OBSL1: variants seen among roughly 807,000 people sequenced by gnomAD.
OBSL1 encodes the protein obscurin-like protein 1.
A neutral mutation model predicts 172.0 loss-of-function variants in OBSL1; 160 were observed. The observed-to-expected ratio is 0.93, with a 90% CI of 0.82 to 1.06. The LOEUF (loss-of-function observed/expected upper bound fraction) is 1.06. Ranked by LOEUF, OBSL1 falls within the 50% of genes least tolerant of loss-of-function variation. OBSL1 has a pLI of 0.00. For synonymous variants in OBSL1, 1,200 were observed against 1,196.3 expected, an observed-to-expected ratio of 1.00 and a Z score of -0.06; for missense variants, 2,681 against 2,715.4, an observed-to-expected ratio of 0.99 and a Z score of 0.28.
At chr2:219,564,035 G>C (rs1391156145) in intron 6 of OBSL1, among the ~76,000 whole-genome samples, 1 of 152,216 alleles carries the variant, frequency 6.6e-6, no homozygotes, top group Non-Finnish European at 1.5e-5. Flanking sequence ...CCAACAAGTG[G>C]CAACAGTGAG....
intron 6 of OBSL1, among the ~76,000 whole-genome samples, chr2:219,564,642 G>A (rs1696744987): frequency 1.3e-5 from 2 of 152,246 alleles, no homozygotes; most frequent in Non-Finnish European, 2.9e-5. Context: ...TGTATCAGGG[G>A]TTTAGGAGGC....
At chr2:219,547,888 G>A (rs1350549838), downstream of OBSL1, 1 of 1,596,260 alleles carries the variant, frequency 6.3e-7, no homozygotes, top group Non-Finnish European at 8.5e-7. Context: ...GTGCTGCGCT[G>A]ATCGCCACTG....
chr2:219,568,290 G>A lies in OBSL1; in HGVS notation c.1047C>T (p.Asp349=), dbSNP rs778881570. The change falls in exon 2 of 21, where the codon GAC becomes GAT. Residue 349 remains aspartate, a synonymous_variant. Transcript: ENST00000404537. This position sits in a 1 kb window ranked among gnomAD's most constrained non-coding sequence, Gnocchi z 4.1. The part of the protein sequence containing the change: ...PRLRFTRPLQ[D]VEGREHGIAV... ...CAATCCCGTGCTCACGGCCCTCCAC[G>A]TCCTGCAGGGGCCGTGTGAACCGGA... The A allele has an allele frequency of 1.2e-5, 20 of 1,608,068 alleles. No individual in the cohort carries two copies. The highest frequency in any genetic ancestry group is 1.0e-4 in the South Asian group (9 of 90,304).
rs1346286364 is a variant in OBSL1 at position 219,567,826 on chromosome 2, A to G, written c.1426T>C (p.Ser476Pro). 6.2e-7 allele frequency: 1 copy of G among 1,613,778 alleles called. No individual in the cohort carries two copies. The highest frequency in any genetic ancestry group is 1.3e-5 in the African/African-American group (1 of 74,934). The change falls in exon 3 of 21, where the codon TCA becomes CCA. Residue 476 changes from serine (S) to proline (P), a missense_variant. Transcript: ENST00000404537. ...AGGACCAGGGCATGCATGTGGCCTG[A>G]GCTGCTCTGGCAGATGACCGGCAGC... The part of the protein sequence containing the change: ...EELPVICQSS[S>P]GHMHALVLPG...
intron 8 of OBSL1, 87 bp from the exon 9 acceptor site, chr2:219,559,584 A>C: frequency 8.4e-7 from 1 of 1,188,770 alleles, no homozygotes; most frequent in Non-Finnish European, 1.2e-6. Flanking sequence ...CCTATCACCC[A>C]CATAATAATG....
At chr2:219,549,849 G>C, downstream of OBSL1, 1 of 1,613,924 alleles carries the variant, frequency 6.2e-7, no homozygotes, top group Non-Finnish European at 8.5e-7. Context: ...CCCAGTGCGG[G>C]TATAGCCATA....
chr2:219,554,062 C>T (rs551301349), intron 15 of OBSL1, among the ~76,000 whole-genome samples: 22 of 152,092 alleles, frequency 1.4e-4, no homozygotes, highest in Admixed American at 3.9e-4. Flanking sequence ...TGATGTCGCC[C>T]GTAGGCAGTC....
At chr2:219,550,618 C>G, downstream of OBSL1, 1 of 589,062 alleles carries the variant, frequency 1.7e-6, no homozygotes, top group Non-Finnish European at 2.9e-6. Context: ...GTGGCTGGCA[C>G]TTTCATGGGC....
chr2:219,547,512 G>A (rs1159301317), downstream of OBSL1: 4 of 1,422,278 alleles, frequency 2.8e-6, no homozygotes, highest in African/African-American at 1.5e-5. Context: ...CCAGGTTACC[G>A]CTGCTTCAAG....
downstream of OBSL1, chr2:219,549,987 G>C (rs1003646330): frequency 6.2e-5 from 77 of 1,238,074 alleles, no homozygotes; most frequent in Non-Finnish European, 7.8e-5. Flanking sequence ...GTCACTAGAA[G>C]GGAGGATTGT....
In OBSL1 at chr2:219,553,666, G is replaced by T. The variant is rs191093745; in HGVS notation, c.4897C>A (p.Arg1633=). The change falls in exon 16 of 21, where the codon CGG becomes AGG. Residue 1633 remains arginine (R), a synonymous_variant. Transcript: ENST00000404537. ...IVREVPVTIV[R]GPHDLEVTEG... is the part of the protein sequence containing the mutation. ...GTCACCTCTAGGTCGTGTGGCCCCC[G>T]CACGATGGTCACTGGGACCTCTGGG... 6.2e-7 allele frequency: 1 copy of T among 1,613,272 alleles called. No individual in the cohort carries two copies. Among genetic ancestry groups the T allele is most frequent in the Non-Finnish European group, 8.5e-7 (1 of 1,179,484 alleles).
chr2:219,568,101 G>T lies in OBSL1; in HGVS notation c.1236C>A (p.Cys412Ter). Residue 412 changes from cysteine (C) to a stop codon, truncating the protein, a stop_gained, in exon 2 of 21, where the codon TGC (cysteine) becomes TGA (stop). Transcript: ENST00000404537. LOFTEE classifies it high-confidence loss of function. This position sits in a 1 kb window ranked among gnomAD's most constrained non-coding sequence, Gnocchi z 4.1. ...CGGTGCGCACCCGGCCCCGCATCTC[G>T]CACAGGTAGATACCATCATCGTCTG... ...LKADDDGIYL[C>*]EMRGRVRTVA... 1 of 1,613,334 alleles carries T rather than the reference G, an allele frequency of 6.2e-7. No homozygotes were observed. Among genetic ancestry groups the T allele is most frequent in the Non-Finnish European group, 8.5e-7 (1 of 1,179,522 alleles).
At position 219,551,809 on chromosome 2, in the gene OBSL1, G is replaced by C; in HGVS notation, c.5414-11C>G. On this transcript the variant is annotated splice_polypyrimidine_tract_variant and intron_variant, in intron 19 of 20. Coordinates refer to ENST00000404537, the MANE Select transcript of OBSL1 (RefSeq NM_015311.3). ...TCTGGAGAGGCAATGCTGGGGGTAG[G>C]GGGCGGGGGCTTAAGTTAATAGGGA... The C allele has an allele frequency of 6.6e-7, 1 of 1,521,402 alleles. No individual in the cohort carries two copies. The highest frequency in any genetic ancestry group is 2.3e-5 in the East Asian group (1 of 44,176). 94.2% of individuals were successfully genotyped at this position (1,521,402 alleles called of 1,614,324 possible).
chr2:219,568,143 G>T lies in OBSL1; in HGVS notation c.1194C>A (p.Ile398=), dbSNP rs944863064. 2.5e-6 allele frequency: 4 copies of T among 1,613,728 alleles called. No individual in the cohort carries two copies. The highest frequency in any genetic ancestry group is 3.4e-6 in the Non-Finnish European group (4 of 1,179,900). Residue 398 remains isoleucine (I), a synonymous_variant, in exon 2 of 21, where the codon ATC becomes ATA. Coordinates refer to ENST00000404537, the MANE Select transcript of OBSL1 (RefSeq NM_015311.3). The surrounding 1 kb of genome is among the most constrained non-coding windows in gnomAD (Gnocchi z 4.1). The part of the protein sequence containing the change: ...QIEEGTVRRL[I]IHRLKADDDG... ...CATCGTCTGCCTTCAGCCTGTGGAT[G>T]ATGAGGCGCCGGACAGTGCCCTCTT...
chr2:219,549,377 G>C, downstream of OBSL1: 1 of 1,598,070 alleles, frequency 6.3e-7, no homozygotes, highest in Non-Finnish European at 8.5e-7. Context: ...AGCCCATCCA[G>C]CCAGAATGAG....
At chr2:219,562,043 C>G (rs767399963) in intron 8 of OBSL1, 4 of 716,258 alleles carry the variant, frequency 5.6e-6, no homozygotes, top group Non-Finnish European at 7.8e-6. Context: ...GTGGAATGCG[C>G]AGGGCCCCAG....
chr2:219,568,162 C>T lies in OBSL1; in HGVS notation c.1175G>A (p.Gly392Asp), dbSNP rs1697061617. The change falls in exon 2 of 21, where the codon GGC (glycine) becomes GAC (aspartate). Residue 392 changes from glycine to aspartate, a missense_variant. By Grantham distance (94) the Gly-to-Asp change is moderately conservative. Coordinates refer to ENST00000404537, the MANE Select transcript of OBSL1 (RefSeq NM_015311.3). This position sits in a 1 kb window ranked among gnomAD's most constrained non-coding sequence, Gnocchi z 4.1. ...GTGGATGATGAGGCGCCGGACAGTG[C>T]CCTCTTCGATCTGCTCGTACTTGCG... is the stretch of plus-strand genomic sequence containing the variant. ...PCRKYEQIEE[G>D]TVRRLIIHRL... 1 of 1,613,696 alleles carries T rather than the reference C, an allele frequency of 6.2e-7. No individual in the cohort carries two copies. Among genetic ancestry groups the T allele is most frequent in the African/African-American group, 1.3e-5 (1 of 74,948 alleles).
intron 17 of OBSL1, 79 bp downstream of exon 17, chr2:219,552,789 T>G: frequency 2.0e-6 from 3 of 1,518,500 alleles, no homozygotes; most frequent in Non-Finnish European, 2.7e-6. Context: ...GCACGCGCGG[T>G]CATCAGGGTC....
chr2:219,561,875 G>A (rs1215575671), intron 8 of OBSL1: 2 of 717,416 alleles, frequency 2.8e-6, no homozygotes. Context: ...CAAACTATGG[G>A]GGCAGCTGCT....
Sources: allele counts gnomAD v4.1 joint callset (sites outside exome capture counted in the v4.1 genomes callset), GRCh38; gene constraint gnomAD v4.1.1; non-coding constraint Gnocchi (gnomAD v3.1); transcripts MANE v1.5; gene names NCBI Gene and HGNC (gene_info 2026-07-23, HGNC 2026-07-21).